Variants in ABCC4 observed in about 807,000 individuals in gnomAD.
ABCC4 encodes ATP binding cassette subfamily C member 4 (PEL blood group).
In ABCC4, 102 loss-of-function variants were observed where a neutral mutation model predicts 168.5. The observed-to-expected ratio is 0.61, with a 90% CI of 0.52 to 0.71. The LOEUF is 0.71. Ranked by LOEUF, ABCC4 falls within the 30% of genes least tolerant of loss-of-function variation. The probability of loss-of-function intolerance (pLI) is 0.00; values close to 1 mark genes in which losing one functional copy is unlikely to be tolerated. For synonymous variants in ABCC4, 617 were observed against 590.7 expected (o/e 1.04, Z -0.65); for missense variants, 1,402 against 1,605.8 (o/e 0.87, Z 2.17).
chr13:95,299,594 G>C (rs2041622490), intron 1 of ABCC4, among the ~76,000 whole-genome samples: 1 of 151,978 alleles, frequency 6.6e-6, no homozygotes, highest in Non-Finnish European at 1.5e-5. Context: ...GCTATCATTA[G>C]TGTTAGTGTA....
chr13:95,267,309 C>T (rs540857804), intron 1 of ABCC4, among the ~76,000 whole-genome samples: 4 of 151,852 alleles, frequency 2.6e-5, no homozygotes, highest in South Asian at 4.2e-4. Flanking sequence ...ATAGGTCTCA[C>T]GAGATCTGCT....
At chr13:95,066,442 T>G (rs1194254062) in intron 25 of ABCC4, among the ~76,000 whole-genome samples, 1 of 152,228 alleles carries the variant, frequency 6.6e-6, no homozygotes, top group Admixed American at 6.5e-5. Flanking sequence ...ATATTGGAAT[T>G]AGCTTTGTAT....
intron 30 of ABCC4, among the ~76,000 whole-genome samples, chr13:95,030,431 T>C (rs552208392): frequency 6.6e-6 from 1 of 152,260 alleles, no homozygotes; most frequent in East Asian, 1.9e-4. Context: ...GGGAAGACAA[T>C]GATTGAATTT....
At chr13:95,287,021 G>A (rs948828715) in intron 1 of ABCC4, among the ~76,000 whole-genome samples, 10 of 151,578 alleles carry the variant, frequency 6.6e-5, no homozygotes, top group African/African-American at 2.4e-4. Flanking sequence ...TTCATTGACC[G>A]GGCACGATGG....
At chr13:95,240,412 T>C (rs938390927) in intron 3 of ABCC4, among the ~76,000 whole-genome samples, 2 of 151,714 alleles carry the variant, frequency 1.3e-5, no homozygotes, top group African/African-American at 4.8e-5. Context: ...ATGCCTATAA[T>C]CCCAGCTACT....
chr13:95,080,631 G>A (rs959218807), intron 21 of ABCC4, among the ~76,000 whole-genome samples: 9 of 152,194 alleles, frequency 5.9e-5, no homozygotes, highest in Admixed American at 3.3e-4. Context: ...GCACCATCAC[G>A]CCCAGCTAAT....
At chr13:95,197,563 T>C (rs4148477) in intron 8 of ABCC4, among the ~76,000 whole-genome samples, 16,295 of 152,214 alleles carry the variant, frequency 0.11, 1,089 homozygotes, top group African/African-American at 0.18. Flanking sequence ...CTGGACTTTC[T>C]CTAGTCACTC....
At chr13:95,098,759 A>G (rs979966012) in intron 20 of ABCC4, among the ~76,000 whole-genome samples, 9 of 152,194 alleles carry the variant, frequency 5.9e-5, no homozygotes, top group Non-Finnish European at 1.3e-4. Flanking sequence ...AGAAAATAAG[A>G]CACTTGAATG....
chr13:95,090,538 C>T (rs924857780), intron 20 of ABCC4, among the ~76,000 whole-genome samples: 14 of 152,088 alleles, frequency 9.2e-5, no homozygotes, highest in African/African-American at 2.9e-4. Context: ...ATAATCACCG[C>T]GGTTCGGCTC....
chr13:95,240,557 C>T (rs2039911295), intron 3 of ABCC4, among the ~76,000 whole-genome samples: 1 of 113,334 alleles, frequency 8.8e-6, no homozygotes, highest in South Asian at 3.0e-4. Flanking sequence ...CACACACACA[C>T]ACACACACAC....
rs1385750950 is a variant in ABCC4 at position 95,180,383 on chromosome 13, G to A, written c.1546-2292C>T. Reference sequence around the variant, plus strand: ...AGCCTGGCCAACATGGTGAAACTCCGTCTCTACTAAACATACAAAATTAGC... The same window carrying A: ...AGCCTGGCCAACATGGTGAAACTCCATCTCTACTAAACATACAAAATTAGC... On this transcript the variant is annotated intron_variant, in intron 11 of 30. Transcript: ENST00000645237. Among the ~76,000 whole-genome samples the A allele has an allele frequency of 5.9e-5, 9 of 151,952 alleles. No individual in the cohort carries two copies. The South Asian group carries it at 6.2e-4, about 11-fold the overall frequency.
chr13:95,206,411 G>C, intron 8 of ABCC4, 121 bp downstream of exon 8: 1 of 1,311,746 alleles, frequency 7.6e-7, no homozygotes, highest in Non-Finnish European at 1.1e-6. Context: ...TGGAATGGCG[G>C]CACGTTTTGG....
At chr13:95,056,812 C>T (rs2033076656) in intron 26 of ABCC4, among the ~76,000 whole-genome samples, 1 of 152,148 alleles carries the variant, frequency 6.6e-6, no homozygotes, top group South Asian at 2.1e-4. Context: ...TTAGCTTTTG[C>T]TTTGATAGAA....
intron 26 of ABCC4, 27 bp downstream of exon 26, chr13:95,062,677 C>A: frequency 6.3e-7 from 1 of 1,584,230 alleles, no homozygotes; most frequent in South Asian, 1.2e-5. Context: ...ATAAAAGGGG[C>A]AGGTAAGGAC....
chr13:95,077,563 C>A (rs2033947841), intron 21 of ABCC4, among the ~76,000 whole-genome samples: 2 of 151,994 alleles, frequency 1.3e-5, no homozygotes, highest in Non-Finnish European at 2.9e-5. Flanking sequence ...GTCTCGAACT[C>A]CTGGGCTCCA....
intron 19 of ABCC4, among the ~76,000 whole-genome samples, chr13:95,120,702 G>T (rs567078186): frequency 1.3e-4 from 20 of 152,266 alleles, no homozygotes; most frequent in African/African-American, 4.8e-4. Context: ...GCAAAGGTAG[G>T]ATGGGGGAAC....
At chr13:95,161,665 T>G (rs1237403306) in intron 18 of ABCC4, 1 of 164,384 alleles carries the variant, frequency 6.1e-6, no homozygotes, top group East Asian at 1.7e-4. Context: ...TTCTCCATAT[T>G]CCAAATCTTA....
At position 95,034,122 on chromosome 13, in the gene ABCC4, T is replaced by C. The variant is rs1003733879; in HGVS notation, c.3870+483A>G. 1.2e-4 allele frequency among the ~76,000 whole-genome samples: 18 copies of C among 152,224 alleles called. 1 individual carries two copies. The highest frequency in any genetic ancestry group is 2.4e-5 in the African/African-American group (1 of 41,454). On this transcript the variant is annotated intron_variant, in intron 30 of 30. Transcript: ENST00000645237. ...AGAAACCAAAAGCAATCTAGGTAGA[T>C]CTAGGTAGAACATTTTCTAGGTAGA...
intron 19 of ABCC4, among the ~76,000 whole-genome samples, chr13:95,133,461 C>A (rs2036042968): frequency 1.3e-5 from 2 of 152,150 alleles, no homozygotes; most frequent in South Asian, 4.1e-4. Flanking sequence ...CTTCTCTCAG[C>A]ATCCAGTCTA....
Sources: gnomAD v4.1 joint callset for allele counts (sites outside exome capture counted in the v4.1 genomes callset) on GRCh38, gnomAD v4.1.1 for gene constraint, MANE v1.5 for transcripts, NCBI Gene and HGNC (gene_info 2026-07-23, HGNC 2026-07-21) for gene names.